The following DOK5 variants were observed in gnomAD, a reference collection of about 807,000 sequenced individuals.
DOK5 encodes docking protein 5.
DOK5 carries 27 observed loss-of-function variants against 43.3 expected under a neutral mutation model. The observed-to-expected ratio is 0.62, with a 90% CI of 0.46 to 0.86. The LOEUF (loss-of-function observed/expected upper bound fraction) is 0.86. Among genes scored for constraint, DOK5 ranks in the 40% least tolerant of loss-of-function variants. The pLI, the probability that DOK5 is intolerant of heterozygous loss-of-function variation, is 0.00. For synonymous variants in DOK5, 146 were observed against 140.1 expected, an observed-to-expected ratio of 1.04 and a Z score of -0.30; for missense variants, 373 against 392.9, an observed-to-expected ratio of 0.95 and a Z score of 0.43.
intron 2 of DOK5, among the ~76,000 whole-genome samples, chr20:54,556,281 C>A (rs1004945884): frequency 6.6e-6 from 1 of 152,140 alleles, no homozygotes. Flanking sequence ...CCACTTATAC[C>A]TTTTTGAGTC....
chr20:54,602,375 A>C (rs1490632483), intron 5 of DOK5, among the ~76,000 whole-genome samples: 1 of 152,184 alleles, frequency 6.6e-6, no homozygotes, highest in Non-Finnish European at 1.5e-5. Flanking sequence ...TCTTCCAGAC[A>C]TAGCTCCACA....
intron 2 of DOK5, among the ~76,000 whole-genome samples, chr20:54,557,765 T>A (rs1470016564): frequency 6.6e-6 from 1 of 152,184 alleles, no homozygotes; most frequent in Non-Finnish European, 1.5e-5. Flanking sequence ...ATTGCTCCTC[T>A]AAGAGAGGCC....
At chr20:54,519,326 T>C (rs2146694886) in intron 1 of DOK5, among the ~76,000 whole-genome samples, 1 of 152,330 alleles carries the variant, frequency 6.6e-6, no homozygotes, top group East Asian at 1.9e-4. Flanking sequence ...TTAGCATCTG[T>C]TCCATAGTAA....
In DOK5 at chr20:54,650,569, G is replaced by A. The variant is rs554670516; in HGVS notation, c.*90G>A. ...ACAGAATGACAGCAAGGGAAATGAC[G>A]ACCAAGAGAAGAAGCTTAAAGTCCT... On this transcript the variant is annotated 3_prime_UTR_variant, in exon 8 of 8. Transcript: ENST00000262593. 54 of 1,275,064 alleles carry A rather than the reference G, an allele frequency of 4.2e-5. No individual in the cohort carries two copies. The Middle Eastern group carries it at 5.6e-4, about 13-fold the overall frequency. 79.0% of individuals were successfully genotyped at this position (1,275,064 alleles called of 1,614,324 possible). A position where few individuals can be genotyped will look rare whatever the true frequency, so the allele number is the denominator to read the frequency against.
chr20:54,521,053 A>G (rs1983376534), intron 1 of DOK5, among the ~76,000 whole-genome samples: 1 of 151,774 alleles, frequency 6.6e-6, no homozygotes. Flanking sequence ...GCTCCCTTAC[A>G]TCACCTGGCC....
rs567023193 is a variant in DOK5, at chr20:54,650,435, C to T, written c.877C>T (p.Leu293Phe). 2 of 1,614,010 alleles carry T rather than the reference C, an allele frequency of 1.2e-6. No homozygotes were observed. The highest frequency in any genetic ancestry group is 2.2e-5 in the East Asian group (1 of 44,870). ...AAAAGATGTTTCCAGCCCTCTGAAG[C>T]TTCATCGAACAGAGACTTTTCCAGC... ...RLQDVSSPLK[L>F]HRTETFPAYR... The change falls in exon 8 of 8, where the codon CTT becomes TTT. Residue 293 changes from leucine to phenylalanine, a missense_variant. By Grantham distance (22) the Leu-to-Phe change is conservative. Transcript: ENST00000262593.
rs1160598563 is a variant in DOK5, at chr20:54,480,958, CT to C, written c.66+4947del. On this transcript the variant is annotated intron_variant, in intron 1 of 7. Transcript: ENST00000262593. ...TATCATCTATCTATCTATCATCTAT[CT>C]ATCATCTATCATCTATCTATCTATC... is the stretch of plus-strand genomic sequence containing the variant. Among the ~76,000 whole-genome samples, 683 of 117,636 alleles carry C rather than the reference CT, an allele frequency of 5.8e-3. 11 individuals carry two copies. Among genetic ancestry groups the C allele is most frequent in the Non-Finnish European group, 6.6e-3 (376 of 56,694 alleles). 77.2% of individuals were successfully genotyped at this position (117,636 alleles called of 152,430 possible). A position where few individuals can be genotyped will look rare whatever the true frequency, so the allele number is the denominator to read the frequency against.
chr20:54,643,967 A>G (rs897071305), intron 7 of DOK5, among the ~76,000 whole-genome samples: 3 of 152,146 alleles, frequency 2.0e-5, no homozygotes. Context: ...GAATCACAGC[A>G]TCAGCATTAC....
intron 6 of DOK5, among the ~76,000 whole-genome samples, chr20:54,611,161 G>A (rs1376670869): frequency 6.6e-6 from 1 of 152,120 alleles, no homozygotes; most frequent in African/African-American, 2.4e-5. Context: ...CACAGTCATC[G>A]GTATATAAAG....
chr20:54,481,177 T>C (rs1981703497), intron 1 of DOK5, among the ~76,000 whole-genome samples: 1 of 151,380 alleles, frequency 6.6e-6, no homozygotes. Flanking sequence ...TATCTATCTA[T>C]CTATATTTTT....
chr20:54,631,344 A>G (rs962572505), intron 6 of DOK5, among the ~76,000 whole-genome samples: 4 of 151,934 alleles, frequency 2.6e-5, no homozygotes, highest in African/African-American at 4.8e-5. Flanking sequence ...GGAGCCCAAG[A>G]GACTGAGGCT....
intron 2 of DOK5, among the ~76,000 whole-genome samples, chr20:54,564,112 C>T (rs78395675): frequency 0.045 from 6,777 of 152,190 alleles, 177 homozygotes; most frequent in East Asian, 0.1. Flanking sequence ...GAAAACATTA[C>T]AAATACTTCA....
chr20:54,489,649 A>G (rs1982086280), intron 1 of DOK5, among the ~76,000 whole-genome samples: 1 of 152,070 alleles, frequency 6.6e-6, no homozygotes, highest in Non-Finnish European at 1.5e-5. Flanking sequence ...CCATTTTACA[A>G]ATTATGAAAC....
At chr20:54,486,754 A>G (rs1981951059) in intron 1 of DOK5, among the ~76,000 whole-genome samples, 1 of 152,182 alleles carries the variant, frequency 6.6e-6, no homozygotes, top group South Asian at 2.1e-4. Flanking sequence ...AATGAGGATA[A>G]TATACGAAAG....
chr20:54,628,723 G>GC (rs2146813830), intron 6 of DOK5, among the ~76,000 whole-genome samples: 1 of 152,134 alleles, frequency 6.6e-6, no homozygotes. Flanking sequence ...AGCAGAACGA[G>GC]CCCCCCAAAA....
intron 7 of DOK5, 44 bp from the exon 8 acceptor site, chr20:54,650,371 T>C: frequency 6.3e-7 from 1 of 1,596,460 alleles, no homozygotes; most frequent in Non-Finnish European, 8.6e-7. Context: ...GATTGTGGGC[T>C]TTCTTGAAAT....
intron 1 of DOK5, among the ~76,000 whole-genome samples, chr20:54,552,765 A>G (rs562700444): frequency 6.6e-6 from 1 of 152,248 alleles, no homozygotes; most frequent in East Asian, 1.9e-4. Flanking sequence ...TAGCTTCTTT[A>G]TTTAGAACTA....
intron 6 of DOK5, among the ~76,000 whole-genome samples, chr20:54,628,377 C>CCTTCT (rs1489308018): frequency 7.9e-6 from 1 of 126,896 alleles, no homozygotes; most frequent in Non-Finnish European, 1.6e-5. Flanking sequence ...CCACTGCACT[C>CCTTCT]CAGCCTGGGC....
chr20:54,515,737 A>T (rs1483754283), intron 1 of DOK5, among the ~76,000 whole-genome samples: 1 of 152,204 alleles, frequency 6.6e-6, no homozygotes, highest in Non-Finnish European at 1.5e-5. Flanking sequence ...TGTATTGGTT[A>T]CCAATGAAAA....
Sources: gnomAD v4.1 joint callset for allele counts (sites outside exome capture counted in the v4.1 genomes callset) on GRCh38, gnomAD v4.1.1 for gene constraint, MANE v1.5 for transcripts, NCBI Gene and HGNC (gene_info 2026-07-23, HGNC 2026-07-21) for gene names.